Variants in FREM2 observed in about 807,000 individuals in gnomAD.
FREM2 encodes FRAS1-related extracellular matrix protein 2.
FREM2 carries 119 observed loss-of-function variants against 219.9 expected under a neutral mutation model. That is an observed-to-expected ratio of 0.54 (90% CI 0.47 to 0.63). The LOEUF (loss-of-function observed/expected upper bound fraction) is 0.63, where lower values mean the gene tolerates loss of function less well. FREM2 is among the 30% of genes least tolerant of loss of function. The pLI is 0.00. For synonymous variants in FREM2, 1,562 were observed against 1,522.8 expected (o/e 1.03, Z -0.60); for missense variants, 4,030 against 3,993.6 (o/e 1.01, Z -0.25).
At chr13:38,751,080 A>G (rs917697863) in intron 2 of FREM2, among the ~76,000 whole-genome samples, 1 of 151,984 alleles carries the variant, frequency 6.6e-6, no homozygotes, top group Admixed American at 6.6e-5. Context: ...TGTCTCAGCC[A>G]TTGTAAATAA....
Position 38,687,184 on chromosome 13 carries a change from G to T in FREM2, c.-161G>T. On this transcript the variant is annotated 5_prime_UTR_variant, in exon 1 of 24. Coordinates refer to ENST00000280481, the MANE Select transcript of FREM2 (RefSeq NM_207361.6). ...CTGCGGCTCCAGCCCGGACGGCGCC[G>T]CGCAACTTTGCCATCCTTCTGGCCC... The T allele has an allele frequency of 2.9e-6, 3 of 1,020,620 alleles. No homozygotes were observed. The highest frequency in any genetic ancestry group is 3.2e-5 in the South Asian group (2 of 63,278). 63.2% of individuals were successfully genotyped at this position (1,020,620 alleles called of 1,614,324 possible).
intron 5 of FREM2, 101 bp from the exon 6 acceptor site, chr13:38,784,456 C>T: frequency 7.5e-7 from 1 of 1,334,710 alleles, no homozygotes; most frequent in Non-Finnish European, 1.1e-6. Context: ...TTCATGTCTA[C>T]TAACTGACCA....
intron 6 of FREM2, among the ~76,000 whole-genome samples, chr13:38,827,867 A>G (rs1300578830): frequency 3.9e-5 from 6 of 152,162 alleles, no homozygotes; most frequent in Admixed American, 3.9e-4. Flanking sequence ...GAACTTAACG[A>G]AGAGGAGAGA....
At chr13:38,837,973 T>C (rs1029383877) in intron 6 of FREM2, among the ~76,000 whole-genome samples, 15 of 152,136 alleles carry the variant, frequency 9.9e-5, no homozygotes, top group African/African-American at 3.6e-4. Context: ...AAGATTAATA[T>C]TGTTATGTGT....
chr13:38,839,351 C>CCAGCCAG (rs1876848803), intron 6 of FREM2, among the ~76,000 whole-genome samples: 1 of 152,206 alleles, frequency 6.6e-6, no homozygotes, highest in African/African-American at 2.4e-5. Context: ...CCCAGAGGGG[C>CCAGCCAG]ACCCGCCACA....
In FREM2 at chr13:38,691,252, C is replaced by T. The variant is rs138477887; in HGVS notation, c.3908C>T (p.Thr1303Met). ...ATAGTTATCCCTGTTGATGATGAGA[C>T]GCCCAGAATGACTATCAATAATGGA... is the stretch of plus-strand genomic sequence containing the variant. ...LIIVIPVDDE[T>M]PRMTINNGLE... Residue 1303 changes from threonine (T) to methionine (M), a missense_variant, in exon 1 of 24, where the codon ACG becomes ATG. By Grantham distance (81) the Thr-to-Met change is moderately conservative. Coordinates refer to ENST00000280481, the MANE Select transcript of FREM2 (RefSeq NM_207361.6). The T allele has an allele frequency of 3.2e-4, 511 of 1,613,138 alleles. No homozygotes were observed. The highest frequency in any genetic ancestry group is 2.0e-4 in the South Asian group (18 of 91,068).
At chr13:38,801,602 A>AG (rs1875011045) in intron 6 of FREM2, among the ~76,000 whole-genome samples, 1 of 152,128 alleles carries the variant, frequency 6.6e-6, no homozygotes, top group Non-Finnish European at 1.5e-5. Context: ...ACTGTAAATA[A>AG]CATCCATGGT....
At chr13:38,854,347 A>C (rs1593447304) in intron 11 of FREM2, among the ~76,000 whole-genome samples, 1 of 152,126 alleles carries the variant, frequency 6.6e-6, no homozygotes, top group African/African-American at 2.4e-5. Context: ...TTGAATGCTT[A>C]CATGTCTAAG....
In FREM2 at chr13:38,807,227, ATG is replaced by A. The variant is rs1239956729; in HGVS notation, c.6019+22421_6019+22422del. On this transcript the variant is annotated intron_variant, in intron 6 of 23. Coordinates refer to ENST00000280481, the MANE Select transcript of FREM2 (RefSeq NM_207361.6). The stretch of plus-strand genomic sequence containing the variant: ...TATATATATATATATATATATATAT[ATG>A]TATGGTTTTGTTTTGTTTTGTTTTT... Among the ~76,000 whole-genome samples, 34 of 125,676 alleles carry A rather than the reference ATG, an allele frequency of 2.7e-4. 2 individuals are homozygous for A. Among genetic ancestry groups the A allele is most frequent in the East Asian group, 1.3e-3 (4 of 3,152 alleles). 82.4% of individuals were successfully genotyped at this position (125,676 alleles called of 152,430 possible).
In FREM2 at chr13:38,707,898, A is replaced by T. The variant is rs2496434; in HGVS notation, c.5263+10111A>T. On this transcript the variant is annotated intron_variant, in intron 2 of 23. Coordinates refer to ENST00000280481, the MANE Select transcript of FREM2 (RefSeq NM_207361.6). ...TAATCCTTTAGGAAATTGTTTTCTC[A>T]GTTTCTTCTTGCCACCTAAACCTCA... is the stretch of plus-strand genomic sequence containing the variant. Among the ~76,000 whole-genome samples the T allele has an allele frequency of 2.5e-3, 373 of 152,074 alleles. 2 individuals are homozygous for T. Among genetic ancestry groups the T allele is most frequent in the Non-Finnish European group, 3.7e-3 (252 of 67,976 alleles).
In FREM2 at chr13:38,882,766, A is replaced by G. The variant is rs1189711131; in HGVS notation, c.*1979A>G. On this transcript the variant is annotated 3_prime_UTR_variant, in exon 24 of 24. Transcript: ENST00000280481. The stretch of plus-strand genomic sequence containing the variant: ...ATTTGTATGGGAATGAACATGAATT[A>G]GGGAACTTCAAATAGTGCGTAGACT... The G allele has an allele frequency of 6.6e-6, 1 of 152,200 alleles. No individual in the cohort carries two copies. The highest frequency in any genetic ancestry group is 1.9e-4 in the East Asian group (1 of 5,198). 9.4% of individuals were successfully genotyped at this position (152,200 alleles called of 1,614,324 possible).
chr13:38,846,429 GATGTTATCTCACTA>G, intron 6 of FREM2, 130 bp from the exon 7 acceptor site: 2 of 750,372 alleles, frequency 2.7e-6, no homozygotes. Flanking sequence ...AGATTAAAGA[GATGTTATCTCACTA>G]AAAGGAAAAA....
Position 38,856,169 on chromosome 13 carries a change from C to G in FREM2, c.6969C>G (p.Ile2323Met). 6.2e-7 allele frequency: 1 copy of G among 1,611,062 alleles called. No homozygotes were observed. Among genetic ancestry groups the G allele is most frequent in the Non-Finnish European group, 8.5e-7 (1 of 1,177,718 alleles). The change falls in exon 12 of 24, where the codon ATC becomes ATG. Residue 2323 changes from isoleucine to methionine, a missense_variant. By Grantham distance (10) the Ile-to-Met change is conservative. Transcript: ENST00000280481. Reference protein sequence around the residue: ...KEGETQHVVEIEVTFDGVREM... With the variant: ...KEGETQHVVEMEVTFDGVREM... ...GGGAAACCCAGCACGTGGTTGAAAT[C>G]GAAGTTACCTTTGACGGGGTGAGAG...
chr13:38,759,366 G>T (rs1052146055), intron 2 of FREM2, among the ~76,000 whole-genome samples: 2 of 147,276 alleles, frequency 1.4e-5, no homozygotes, highest in Non-Finnish European at 3.0e-5. Context: ...TATTATTGAA[G>T]ATTAAATGCT....
Position 38,692,018 on chromosome 13 carries a change from C to A in FREM2, c.4674C>A (p.Val1558=). ...NKLITPFELT[V]EDRDTPDKLL... ...TGATTACTCCTTTTGAGCTCACTGTCGAAGACAGAGATACTCCTGACAAGC... is the reference window on the plus strand; with the variant it reads ...TGATTACTCCTTTTGAGCTCACTGTAGAAGACAGAGATACTCCTGACAAGC... Residue 1558 remains valine (V), a synonymous_variant, in exon 1 of 24, where the codon GTC becomes GTA. Coordinates refer to ENST00000280481, the MANE Select transcript of FREM2 (RefSeq NM_207361.6). 2 of 1,614,224 alleles carry A rather than the reference C, an allele frequency of 1.2e-6. No individual in the cohort carries two copies. Among genetic ancestry groups the A allele is most frequent in the Non-Finnish European group, 1.7e-6 (2 of 1,180,052 alleles).
rs1444971987 is a variant in FREM2 at position 38,840,412 on chromosome 13, G to A, written c.6020-6161G>A. Among the ~76,000 whole-genome samples, 10 of 145,742 alleles carry A rather than the reference G, an allele frequency of 6.9e-5. No individual in the cohort carries two copies. In the East Asian group the frequency reaches 1.8e-3, roughly 26 times the overall value. On this transcript the variant is annotated intron_variant, in intron 6 of 23. Transcript: ENST00000280481. ...GCTGTTCCTATTCAGCCACCTTGCC[G>A]GGATTTCTCCTTTTTTTTTTTTTTT...
chr13:38,779,999 C>T (rs1431645470), intron 4 of FREM2, among the ~76,000 whole-genome samples: 2 of 152,076 alleles, frequency 1.3e-5, no homozygotes, highest in African/African-American at 4.8e-5. Context: ...ATGGTGAATC[C>T]CTAGATCCAT....
In FREM2 at chr13:38,691,837, C is replaced by A; in HGVS notation, c.4493C>A (p.Ala1498Asp). The change falls in exon 1 of 24, where the codon GCT becomes GAT. Residue 1498 changes from alanine (A) to aspartate (D), a missense_variant. Around this residue, in one of 2 missense-constraint regions of FREM2, gnomAD observed 3,102 missense variants for 2,950.7 expected, o/e 1.05. Coordinates refer to ENST00000280481, the MANE Select transcript of FREM2 (RefSeq NM_207361.6). Reference protein sequence around the residue: ...AGNKIYYIHTADDEVKMDSFE... With the variant: ...AGNKIYYIHTDDDEVKMDSFE... ...AACAAAATCTACTACATCCACACAG[C>A]TGATGATGAAGTGAAAATGGACAGT... 2 of 1,614,128 alleles carry A rather than the reference C, an allele frequency of 1.2e-6. No homozygotes were observed. Among genetic ancestry groups the A allele is most frequent in the African/African-American group, 2.7e-5 (2 of 75,058 alleles).
At chr13:38,706,198 T>G (rs1408023876) in intron 2 of FREM2, among the ~76,000 whole-genome samples, 2 of 152,160 alleles carry the variant, frequency 1.3e-5, no homozygotes, top group Admixed American at 1.3e-4. Flanking sequence ...CTTGATTTGA[T>G]CAAAATATAA....
Sources: gnomAD v4.1 joint callset for allele counts (sites outside exome capture counted in the v4.1 genomes callset) on GRCh38, gnomAD v4.1.1 for gene constraint, gnomAD v4.1.1 regional missense constraint, MANE v1.5 for transcripts, NCBI Gene and HGNC (gene_info 2026-07-23, HGNC 2026-07-21) for gene names.